The following SOX5 variants were observed in gnomAD, a reference collection of about 807,000 sequenced individuals.
The protein encoded by SOX5 is transcription factor SOX-5.
In SOX5, 9 loss-of-function variants were observed where a neutral mutation model predicts 92.0. The observed-to-expected ratio is 0.10, with a 90% CI of 0.06 to 0.17. SOX5 has a LOEUF of 0.17. SOX5 is among the 10% of genes least tolerant of loss of function. The probability of loss-of-function intolerance (pLI) is 1.00; values close to 1 mark genes in which losing one functional copy is unlikely to be tolerated. For missense variants in SOX5, 642 were observed against 944.5 expected, an observed-to-expected ratio of 0.68 and a Z score of 4.20; for synonymous variants, 344 against 336.3, an observed-to-expected ratio of 1.02 and a Z score of -0.25.
At chr12:23,666,340 C>T (rs1417759261) in intron 6 of SOX5, among the ~76,000 whole-genome samples, 1 of 152,128 alleles carries the variant, frequency 6.6e-6, no homozygotes, top group Non-Finnish European at 1.5e-5. Context: ...TTTGCTGGTC[C>T]CACTCTCAGA....
intron 3 of SOX5, among the ~76,000 whole-genome samples, chr12:23,794,030 T>C (rs2095520597): frequency 6.6e-6 from 1 of 152,202 alleles, no homozygotes; most frequent in South Asian, 2.1e-4. Context: ...ATACAGTTTT[T>C]CTTTATAATC....
At chr12:23,648,517 T>C (rs2081159664) in intron 7 of SOX5, among the ~76,000 whole-genome samples, 1 of 152,172 alleles carries the variant, frequency 6.6e-6, no homozygotes, top group Admixed American at 6.5e-5. Flanking sequence ...ATATGCATGG[T>C]GACTTAACCA....
chr12:24,286,634 C>T (rs1211143528), intron 2 of SOX5, among the ~76,000 whole-genome samples: 1 of 152,174 alleles, frequency 6.6e-6, no homozygotes, highest in Non-Finnish European at 1.5e-5. Context: ...AACTCCTGGG[C>T]TCAGGTGATC....
intron 1 of SOX5, among the ~76,000 whole-genome samples, chr12:24,389,871 C>G (rs140148279): frequency 2.8e-3 from 432 of 152,268 alleles, no homozygotes; most frequent in African/African-American, 9.8e-3. Context: ...TTCTCCATAT[C>G]ATCACCAAGA....
At chr12:23,860,587 C>T (rs1270713221) in intron 2 of SOX5, among the ~76,000 whole-genome samples, 2 of 152,206 alleles carry the variant, frequency 1.3e-5, no homozygotes, top group East Asian at 3.9e-4. Flanking sequence ...TTTCTGACCC[C>T]AGGACTTTAA....
chr12:24,235,698 T>C (rs1309821244), intron 3 of SOX5, among the ~76,000 whole-genome samples: 6 of 152,228 alleles, frequency 3.9e-5, no homozygotes, highest in African/African-American at 1.4e-4. Context: ...ACTAGTGATT[T>C]CATATGTTAA....
intron 4 of SOX5, among the ~76,000 whole-genome samples, chr12:24,147,433 C>A (rs908570675): frequency 6.6e-6 from 1 of 152,130 alleles, no homozygotes; most frequent in South Asian, 2.1e-4. Context: ...ATTCTCACCA[C>A]GATGAAGAAC....
chr12:23,806,067 A>G (rs1211306426), intron 3 of SOX5, among the ~76,000 whole-genome samples: 2 of 152,212 alleles, frequency 1.3e-5, no homozygotes. Flanking sequence ...TTCTGACAAA[A>G]CAAACATTTT....
intron 1 of SOX5, among the ~76,000 whole-genome samples, chr12:24,556,372 C>A (rs1400398425): frequency 1.3e-5 from 2 of 152,222 alleles, no homozygotes; most frequent in Non-Finnish European, 2.9e-5. Flanking sequence ...TACTTTACAT[C>A]ACCTCTTCAA....
At chr12:24,483,236 T>C (rs1946184585) in intron 1 of SOX5, among the ~76,000 whole-genome samples, 2 of 152,224 alleles carry the variant, frequency 1.3e-5, no homozygotes, top group South Asian at 2.1e-4. Context: ...TGTTTCTTTT[T>C]ATTTTACCCA....
At chr12:24,558,335 A>C (rs1017364149) in intron 1 of SOX5, among the ~76,000 whole-genome samples, 23 of 152,310 alleles carry the variant, frequency 1.5e-4, no homozygotes, top group Middle Eastern at 3.4e-3. Flanking sequence ...GTGTAGGCAG[A>C]TAAAGGAGCA....
intron 3 of SOX5, among the ~76,000 whole-genome samples, chr12:24,214,990 A>G (rs1475491256): frequency 1.3e-5 from 2 of 152,092 alleles, no homozygotes; most frequent in Non-Finnish European, 2.9e-5. Context: ...TACCATATTA[A>G]TAAAGGGAAA....
At chr12:23,983,535 G>T (rs1949791531) in intron 4 of SOX5, among the ~76,000 whole-genome samples, 1 of 152,152 alleles carries the variant, frequency 6.6e-6, no homozygotes, top group African/African-American at 2.4e-5. Context: ...GAGTGGTTGG[G>T]CTAGATGAGC....
chr12:24,296,565 T>C (rs1947271325), intron 2 of SOX5, among the ~76,000 whole-genome samples: 1 of 152,190 alleles, frequency 6.6e-6, no homozygotes, highest in Non-Finnish European at 1.5e-5. Flanking sequence ...ATTTATACTG[T>C]AAAACTCATA....
chr12:23,892,841 G>A (rs377130540), intron 2 of SOX5, among the ~76,000 whole-genome samples: 1 of 152,162 alleles, frequency 6.6e-6, no homozygotes, highest in African/African-American at 2.4e-5. Context: ...GGAAACCATA[G>A]TGCTACTCTG....
intron 1 of SOX5, among the ~76,000 whole-genome samples, chr12:23,908,418 C>A (rs758754222): frequency 9.9e-5 from 15 of 151,916 alleles, no homozygotes. Flanking sequence ...GACAAGGAAT[C>A]GTTTATATAT....
At chr12:23,778,775 G>A (rs1333001528) in intron 3 of SOX5, among the ~76,000 whole-genome samples, 2 of 152,096 alleles carry the variant, frequency 1.3e-5, no homozygotes, top group African/African-American at 4.8e-5. Flanking sequence ...AAAATGAGAG[G>A]AAAATTATCA....
chr12:23,704,733 T>C (rs374241853), intron 6 of SOX5, among the ~76,000 whole-genome samples: 2 of 98,250 alleles, frequency 2.0e-5, no homozygotes, highest in Non-Finnish European at 4.6e-5. Flanking sequence ...CACACACACA[T>C]ACACACATAC....
At chr12:24,545,589 A>G (rs1254043797) in intron 1 of SOX5, among the ~76,000 whole-genome samples, 1 of 152,236 alleles carries the variant, frequency 6.6e-6, no homozygotes, top group Non-Finnish European at 1.5e-5. Context: ...ATTGCATCTC[A>G]TGGACCAATT....
Sources: gnomAD v4.1 joint callset for allele counts (sites outside exome capture counted in the v4.1 genomes callset) on GRCh38, gnomAD v4.1.1 for gene constraint, MANE v1.5 for transcripts, NCBI Gene and HGNC (gene_info 2026-07-23, HGNC 2026-07-21) for gene names.